ZNF774: variants seen among roughly 807,000 people sequenced by gnomAD.
The protein encoded by ZNF774 is zinc finger protein 774.
In ZNF774, 14 loss-of-function variants were observed where a neutral mutation model predicts 11.1. That is an observed-to-expected ratio of 1.26 (90% CI 0.83 to 1.97). The LOEUF (loss-of-function observed/expected upper bound fraction) is 1.97. Among genes scored for constraint, ZNF774 ranks in the 30% most tolerant of loss-of-function variants. The probability of loss-of-function intolerance (pLI) is 0.00; values close to 1 mark genes in which losing one functional copy is unlikely to be tolerated. For synonymous variants in ZNF774, 195 were observed against 212.6 expected (o/e 0.92, Z 0.72); for missense variants, 599 against 587.0 (o/e 1.02, Z -0.21).
Position 90,360,587 on chromosome 15 carries a change from G to A in ZNF774, c.756G>A (p.Met252Ile), listed in dbSNP as rs1206435805. 9.3e-6 allele frequency: 15 copies of A among 1,612,348 alleles called. No individual in the cohort carries two copies. Among genetic ancestry groups the A allele is most frequent in the African/African-American group, 2.7e-5 (2 of 74,320 alleles). The change falls in exon 4 of 4, where the codon ATG (methionine) becomes ATA (isoleucine). Residue 252 changes from methionine (M) to isoleucine (I), a missense_variant. Transcript: ENST00000354377. The stretch of plus-strand genomic sequence containing the variant: ...TTGGGCGGAAGCCACACCTCATAAT[G>A]CACCAAAGAACCCACACAGGCGAGA... ...KTFGRKPHLI[M>I]HQRTHTGEKP...
chr15:90,352,729 TC>T (rs1477664723), intron 1 of ZNF774, among the ~76,000 whole-genome samples: 1 of 150,332 alleles, frequency 6.7e-6, no homozygotes, highest in Non-Finnish European at 1.5e-5. Context: ...ACGCGTGCAG[TC>T]ATGTTCCTAT....
intron 1 of ZNF774, among the ~76,000 whole-genome samples, chr15:90,352,921 C>T (rs1156622876): frequency 1.3e-5 from 2 of 151,928 alleles, no homozygotes; most frequent in African/African-American, 2.4e-5. Context: ...GCAAGTGGGC[C>T]CTGCAGCTGT....
intron 1 of ZNF774, among the ~76,000 whole-genome samples, chr15:90,353,294 T>C (rs1247795799): frequency 6.6e-6 from 1 of 152,224 alleles, no homozygotes; most frequent in Non-Finnish European, 1.5e-5. Context: ...TTACAATTTT[T>C]ACTTTCTAAT....
chr15:90,362,673 A>T lies in ZNF774; in HGVS notation c.*1390A>T. On this transcript the variant is annotated 3_prime_UTR_variant, in exon 4 of 4. Transcript: ENST00000354377. ...TATTTGAGTCCTGGCCCTGACGCTT[A>T]ATTTGGCCAGACTTTCATCTTCTCC... The T allele has an allele frequency of 7.9e-7, 1 of 1,265,504 alleles. No homozygotes were observed. Among genetic ancestry groups the T allele is most frequent in the African/African-American group, 1.5e-5 (1 of 67,582 alleles). 78.4% of individuals were successfully genotyped at this position (1,265,504 alleles called of 1,614,324 possible).
chr15:90,357,021 G>A (rs1964258358), intron 2 of ZNF774, among the ~76,000 whole-genome samples: 1 of 152,118 alleles, frequency 6.6e-6, no homozygotes, highest in Admixed American at 6.5e-5. Flanking sequence ...TTTTATTGAA[G>A]TATAATTTTA....
chr15:90,356,188 G>A (rs865786817), intron 2 of ZNF774, among the ~76,000 whole-genome samples: 12 of 146,968 alleles, frequency 8.2e-5, no homozygotes, highest in South Asian at 6.5e-4. Flanking sequence ...GCATGATCTC[G>A]GCTCACTGCA....
chr15:90,362,399 T>C lies in ZNF774; in HGVS notation c.*1116T>C. The C allele has an allele frequency of 2.8e-6, 2 of 711,742 alleles. No homozygotes were observed. The highest frequency in any genetic ancestry group is 4.7e-6 in the Non-Finnish European group (2 of 421,774). 44.1% of individuals were successfully genotyped at this position (711,742 alleles called of 1,614,324 possible). A position where few individuals can be genotyped will look rare whatever the true frequency, so the allele number is the denominator to read the frequency against. ...AGGGACCTGGTAGAGGACTATAAAA[T>C]TGTGGAAGCAAAATTGCTGAGAATG... On this transcript the variant is annotated 3_prime_UTR_variant, in exon 4 of 4. Coordinates refer to ENST00000354377, the MANE Select transcript of ZNF774 (RefSeq NM_001004309.3).
intron 1 of ZNF774, among the ~76,000 whole-genome samples, chr15:90,354,076 A>T (rs12913943): frequency 0.22 from 20,494 of 93,780 alleles, 1,489 homozygotes; most frequent in African/African-American, 0.36. Context: ...TCTTTTTTTT[A>T]AAAAAAAAAT....
chr15:90,359,961 T>A (rs768319090), intron 3 of ZNF774, 82 bp from the exon 4 acceptor site: 9 of 1,459,500 alleles, frequency 6.2e-6, no homozygotes, highest in Non-Finnish European at 7.4e-6. Context: ...GAAACAGGGA[T>A]TTTAATCTTT....
In ZNF774 at chr15:90,360,527, G is replaced by A; in HGVS notation, c.696G>A (p.Glu232=). Residue 232 remains glutamate, a synonymous_variant, in exon 4 of 4, where the codon GAG becomes GAA. Coordinates refer to ENST00000354377, the MANE Select transcript of ZNF774 (RefSeq NM_001004309.3). ...LIKHQRTHTG[E]RPYECPECGK... ...AACATCAGAGAACCCACACAGGGGA[G>A]AGACCCTATGAGTGCCCAGAGTGTG... The A allele has an allele frequency of 6.2e-7, 1 of 1,613,826 alleles. No homozygotes were observed. Among genetic ancestry groups the A allele is most frequent in the Non-Finnish European group, 8.5e-7 (1 of 1,179,982 alleles).
Position 90,358,950 on chromosome 15 carries a change from C to A in ZNF774, c.204C>A (p.Ser68Arg). ...AGGCGAGGAAGATCCCGAGGGAAAG[C>A]CACACAGGTGAGATGTGAGTGCTCC... The part of the protein sequence containing the change: ...NFEARKIPRE[S>R]HTDCEHQVAK... The change falls in exon 3 of 4, where the codon AGC becomes AGA. Residue 68 changes from serine (S) to arginine (R), a missense_variant. Physicochemically the swap from Ser to Arg is moderately radical, Grantham distance 110. Transcript: ENST00000354377. 1 of 1,613,100 alleles carries A rather than the reference C, an allele frequency of 6.2e-7. No homozygotes were observed. Among genetic ancestry groups the A allele is most frequent in the South Asian group, 1.1e-5 (1 of 91,064 alleles).
Position 90,361,126 on chromosome 15 carries a change from G to C in ZNF774, c.1295G>C (p.Arg432Pro), listed in dbSNP as rs1964329335. The part of the protein sequence containing the change: ...QRIHLGDRPY[R>P]CPECGKTFNQ... The stretch of plus-strand genomic sequence containing the variant: ...ATCCACTTAGGAGACAGGCCCTATC[G>C]ATGTCCTGAGTGTGGCAAGACCTTC... Residue 432 changes from arginine (R) to proline (P), a missense_variant, in exon 4 of 4, where the codon CGA becomes CCA. Transcript: ENST00000354377. 3 of 1,614,182 alleles carry C rather than the reference G, an allele frequency of 1.9e-6. No homozygotes were observed. The highest frequency in any genetic ancestry group is 1.3e-5 in the African/African-American group (1 of 75,034).
intron 1 of ZNF774, among the ~76,000 whole-genome samples, chr15:90,354,079 A>ATTT (rs1405327553): frequency 1.8e-4 from 26 of 145,798 alleles, no homozygotes; most frequent in Admixed American, 4.7e-4. Flanking sequence ...TTTTTTTAAA[A>ATTT]AAAAAATGTC....
chr15:90,360,567 C>G lies in ZNF774; in HGVS notation c.736C>G (p.Arg246Gly). 1.2e-6 allele frequency: 2 copies of G among 1,613,736 alleles called. No individual in the cohort carries two copies. Among genetic ancestry groups the G allele is most frequent in the Non-Finnish European group, 1.7e-6 (2 of 1,179,886 alleles). ...ECPECGKTFG[R>G]KPHLIMHQRT... is the part of the protein sequence containing the mutation. ...CCCAGAGTGTGGAAAGACTTTTGGG[C>G]GGAAGCCACACCTCATAATGCACCA... Residue 246 changes from arginine (R) to glycine (G), a missense_variant, in exon 4 of 4, where the codon CGG (arginine) becomes GGG (glycine). Physicochemically the swap from Arg to Gly is moderately radical, Grantham distance 125. Coordinates refer to ENST00000354377, the MANE Select transcript of ZNF774 (RefSeq NM_001004309.3).
chr15:90,360,116 A>C lies in ZNF774; in HGVS notation c.285A>C (p.Glu95Asp), dbSNP rs111722200. 1.4e-5 allele frequency: 22 copies of C among 1,614,086 alleles called. No homozygotes were observed. Among genetic ancestry groups the C allele is most frequent in the Non-Finnish European group, 1.9e-5 (22 of 1,180,032 alleles). The change falls in exon 4 of 4, where the codon GAA becomes GAC. Residue 95 changes from glutamate (E) to aspartate (D), a missense_variant. Coordinates refer to ENST00000354377, the MANE Select transcript of ZNF774 (RefSeq NM_001004309.3). ...CAGAACAATGTGGAACATCCTCAGA[A>C]AGGACCAATAAAGATCTTTCTCATA... Reference protein sequence around the residue: ...ETAEQCGTSSERTNKDLSHTL... With the variant: ...ETAEQCGTSSDRTNKDLSHTL...
intron 1 of ZNF774, among the ~76,000 whole-genome samples, chr15:90,353,416 TC>T: frequency 1.4e-5 from 2 of 145,982 alleles, no homozygotes; most frequent in Non-Finnish European, 3.0e-5. Context: ...CAAAAATATT[TC>T]CCCCAAAAGT....
At chr15:90,357,608 G>A (rs1313545419) in intron 2 of ZNF774, among the ~76,000 whole-genome samples, 1 of 152,162 alleles carries the variant, frequency 6.6e-6, no homozygotes, top group Admixed American at 6.6e-5. Context: ...GTCTCAATGT[G>A]TTGCCCAGGC....
intron 3 of ZNF774, among the ~76,000 whole-genome samples, chr15:90,359,817 G>A (rs566733929): frequency 1.2e-3 from 177 of 151,936 alleles, no homozygotes; most frequent in African/African-American, 4.1e-3. Flanking sequence ...TCCGCTTGAA[G>A]GATATCAAGA....
chr15:90,353,351 T>C (rs571650583), intron 1 of ZNF774, among the ~76,000 whole-genome samples: 1 of 152,278 alleles, frequency 6.6e-6, no homozygotes, highest in African/African-American at 2.4e-5. Flanking sequence ...AGATGGTTTT[T>C]AGATCCTTAA....
Sources: gnomAD v4.1 joint callset for allele counts (sites outside exome capture counted in the v4.1 genomes callset) on GRCh38, gnomAD v4.1.1 for gene constraint, MANE v1.5 for transcripts, NCBI Gene and HGNC (gene_info 2026-07-23, HGNC 2026-07-21) for gene names.